Variants in PDE1C observed in about 807,000 individuals in gnomAD.
PDE1C encodes dual specificity calcium/calmodulin-dependent 3',5'-cyclic nucleotide phosphodiesterase 1C.
PDE1C carries 62 observed loss-of-function variants against 93.1 expected under a neutral mutation model. The ratio of observed to expected loss-of-function variants is 0.67; its 90% CI spans 0.54 to 0.82. The LOEUF (loss-of-function observed/expected upper bound fraction) is 0.82. Among genes scored for constraint, PDE1C ranks in the 40% least tolerant of loss-of-function variants. The probability of loss-of-function intolerance (pLI) is 0.00; values close to 1 mark genes in which losing one functional copy is unlikely to be tolerated. For missense variants in PDE1C, 742 were observed against 884.6 expected (o/e 0.84, Z 2.04); for synonymous variants, 325 against 310.1 (o/e 1.05, Z -0.50).
In PDE1C at chr7:31,933,967, C is replaced by T. The variant is rs747118004; in HGVS notation, c.129-53107G>A. Among the ~76,000 whole-genome samples the T allele has an allele frequency of 2.0e-5, 3 of 152,282 alleles. No homozygotes were observed. In the East Asian group the frequency reaches 5.8e-4, roughly 29 times the overall value. On this transcript the variant is annotated intron_variant, in intron 2 of 17. Transcript: ENST00000396191. ...AGCAATGTGAGAATGGCCTAATACA[C>T]TTAAGAAAATAATACCCTAAAAATG...
intron 11 of PDE1C, among the ~76,000 whole-genome samples, chr7:31,836,860 A>ACTGT (rs1229998416): frequency 1.3e-5 from 2 of 152,098 alleles, no homozygotes; most frequent in African/African-American, 4.8e-5. Flanking sequence ...TGCCAAAGTA[A>ACTGT]CTGTCATTTT....
At chr7:31,970,262 A>C (rs1810750072) in intron 2 of PDE1C, among the ~76,000 whole-genome samples, 1 of 152,214 alleles carries the variant, frequency 6.6e-6, no homozygotes, top group African/African-American at 2.4e-5. Flanking sequence ...TGCAGATAAG[A>C]AGCCAATATA....
intron 2 of PDE1C, among the ~76,000 whole-genome samples, chr7:32,181,363 C>A (rs1013771336): frequency 2.0e-5 from 3 of 152,196 alleles, no homozygotes; most frequent in Non-Finnish European, 4.4e-5. Flanking sequence ...CAGCACCACA[C>A]TGCACTTATT....
intron 1 of PDE1C, among the ~76,000 whole-genome samples, chr7:32,225,572 G>A (rs1584990362): frequency 6.6e-6 from 1 of 152,214 alleles, no homozygotes; most frequent in African/African-American, 2.4e-5. Context: ...ACAAGACCCT[G>A]AGGAAATTAA....
the PDE1C span, among the ~76,000 whole-genome samples, chr7:31,635,506 TC>T: frequency 1.3e-5 from 2 of 152,238 alleles, no homozygotes; most frequent in Non-Finnish European, 2.9e-5. Flanking sequence ...TGCTTGAGTT[TC>T]AAACATTGGT....
At chr7:32,414,333 C>T (rs1785230289) in intron 1 of PDE1C, among the ~76,000 whole-genome samples, 1 of 150,624 alleles carries the variant, frequency 6.6e-6, no homozygotes, top group African/African-American at 2.4e-5. Flanking sequence ...TCAAAAAATG[C>T]CCACAAAATA....
chr7:32,315,601 T>C (rs1323897621), intron 1 of PDE1C, among the ~76,000 whole-genome samples: 1 of 152,212 alleles, frequency 6.6e-6, no homozygotes, highest in Non-Finnish European at 1.5e-5. Flanking sequence ...CCTCCAAATT[T>C]TCTAGCATGC....
At chr7:31,813,051 C>A (rs75372194) in intron 15 of PDE1C, among the ~76,000 whole-genome samples, 5,357 of 152,178 alleles carry the variant, frequency 0.035, 145 homozygotes, top group African/African-American at 0.068. Flanking sequence ...TAGATAGAAT[C>A]TCAAGTACAA....
chr7:32,387,672 C>T (rs1161899279), intron 1 of PDE1C, among the ~76,000 whole-genome samples: 6 of 134,848 alleles, frequency 4.4e-5, no homozygotes, highest in African/African-American at 8.5e-5. Flanking sequence ...GCTGGCCGGG[C>T]GGGGGGCTGA....
chr7:32,399,956 C>T (rs542662978), intron 1 of PDE1C, among the ~76,000 whole-genome samples: 1 of 152,098 alleles, frequency 6.6e-6, no homozygotes, highest in African/African-American at 2.4e-5. Context: ...GTTAGGGCTT[C>T]GACATACAAA....
chr7:31,784,137 A>G (rs886926058), intron 16 of PDE1C: 7 of 152,206 alleles, frequency 4.6e-5, no homozygotes, highest in African/African-American at 1.7e-4. Flanking sequence ...CAGCAGCAAC[A>G]TCTAAAGCTG....
intron 1 of PDE1C, among the ~76,000 whole-genome samples, chr7:32,236,806 G>T (rs1449720119): frequency 6.6e-6 from 1 of 152,100 alleles, no homozygotes; most frequent in African/African-American, 2.4e-5. Context: ...CTAAAGAAAT[G>T]AAAATTTATA....
intron 3 of PDE1C, among the ~76,000 whole-genome samples, chr7:32,116,357 A>AGAAAACCCCATAAGATAATACACCT (rs1798983796): frequency 6.6e-6 from 1 of 152,054 alleles, no homozygotes; most frequent in African/African-American, 2.4e-5. Context: ...AACTGTACTC[A>AGAAAACCCCATAAGATAATACACCT]GAAAACCCCA....
chr7:31,927,539 C>A (rs1803564402), intron 2 of PDE1C, among the ~76,000 whole-genome samples: 1 of 152,196 alleles, frequency 6.6e-6, no homozygotes, highest in South Asian at 2.1e-4. Context: ...ACACCTCATA[C>A]AGGAAAGCTC....
rs1402696017 is a variant in PDE1C, at chr7:31,901,137, A to C, written c.129-20277T>G. On this transcript the variant is annotated intron_variant, in intron 2 of 17. Transcript: ENST00000396191. ...ATGCCCTCTAGTAGCATTATTTACA[A>C]AAAAAAAAAAAAATGGTTACGAATT... Among the ~76,000 whole-genome samples the C allele has an allele frequency of 5.9e-4, 6 of 10,254 alleles. No homozygotes were observed. In the Admixed American group the frequency reaches 0.014, roughly 23 times the overall value. 6.7% of individuals were successfully genotyped at this position (10,254 alleles called of 152,430 possible).
intron 2 of PDE1C, among the ~76,000 whole-genome samples, chr7:31,903,188 G>GA (rs1353332484): frequency 1.3e-5 from 2 of 151,698 alleles, no homozygotes; most frequent in African/African-American, 4.8e-5. Flanking sequence ...ATATTTTCAG[G>GA]AAAAATGAGA....
At chr7:31,899,871 G>A (rs895009645) in intron 2 of PDE1C, among the ~76,000 whole-genome samples, 17 of 152,098 alleles carry the variant, frequency 1.1e-4, no homozygotes, top group African/African-American at 4.1e-4. Flanking sequence ...GTCCCCCACC[G>A]GAAATTAGCA....
chr7:32,127,621 T>C (rs563271972), intron 3 of PDE1C, among the ~76,000 whole-genome samples: 5 of 152,044 alleles, frequency 3.3e-5, no homozygotes, highest in Non-Finnish European at 5.9e-5. Flanking sequence ...CTTTCTCATA[T>C]ATCAACAATA....
chr7:32,324,838 A>G (rs1474477311), intron 1 of PDE1C, among the ~76,000 whole-genome samples: 1 of 152,136 alleles, frequency 6.6e-6, no homozygotes, highest in Non-Finnish European at 1.5e-5. Flanking sequence ...AGTCCCAGCT[A>G]CCAGGGAGGC....
Sources: allele counts gnomAD v4.1 joint callset (sites outside exome capture counted in the v4.1 genomes callset), GRCh38; gene constraint gnomAD v4.1.1; transcripts MANE v1.5; gene names NCBI Gene and HGNC (gene_info 2026-07-23, HGNC 2026-07-21).